The following INSR variants were observed in gnomAD, a reference collection of about 807,000 sequenced individuals.
INSR encodes the protein insulin receptor, also known as IR.
A neutral mutation model predicts 142.6 loss-of-function variants in INSR; 67 were observed. That is an observed-to-expected ratio of 0.47 (90% CI 0.39 to 0.58). The LOEUF (loss-of-function observed/expected upper bound fraction) is 0.58. INSR is among the 20% of genes least tolerant of loss of function. The pLI, the probability that INSR is intolerant of heterozygous loss-of-function variation, is 0.00. For synonymous variants in INSR, 756 were observed against 743.1 expected, an observed-to-expected ratio of 1.02 and a Z score of -0.28; for missense variants, 1,248 against 1,833.2, an observed-to-expected ratio of 0.68 and a Z score of 5.83.
At chr19:7,219,231 C>A (rs1238499908) in intron 2 of INSR, among the ~76,000 whole-genome samples, 1 of 152,120 alleles carries the variant, frequency 6.6e-6, no homozygotes, top group Non-Finnish European at 1.5e-5. Context: ...TTGCAGGGAC[C>A]AGATATATTA....
intron 2 of INSR, among the ~76,000 whole-genome samples, chr19:7,242,691 C>T (rs542149310): frequency 1.7e-4 from 22 of 132,510 alleles, no homozygotes; most frequent in Non-Finnish European, 3.4e-4. Context: ...GAGCCAAGAT[C>T]GCACCACTGC....
Position 7,125,397 on chromosome 19 carries a change from ACCCTT to A in INSR, c.3139_3143del (p.Lys1047Ter). On this transcript the variant is annotated frameshift_variant, in exon 17 of 22. Coordinates refer to ENST00000302850, the MANE Select transcript of INSR (RefSeq NM_000208.4). LOFTEE classifies it high-confidence loss of function. The surrounding 1 kb of genome is among the most constrained non-coding windows in gnomAD (Gnocchi z 4.9). ...TCACCGCCACGCGGGTCTCTGCCTC[ACCCTT>A]GATGATGTCCCTGGCATTGCCCTCA... is the stretch of plus-strand genomic sequence containing the variant. 1 of 1,613,924 alleles carries A rather than the reference ACCCTT, an allele frequency of 6.2e-7. No individual in the cohort carries two copies. The highest frequency in any genetic ancestry group is 8.5e-7 in the Non-Finnish European group (1 of 1,179,974).
intron 8 of INSR, among the ~76,000 whole-genome samples, chr19:7,165,727 G>A (rs958536979): frequency 7.2e-5 from 11 of 151,904 alleles, no homozygotes; most frequent in African/African-American, 2.7e-4. Flanking sequence ...GCTGGGTATA[G>A]TGGTGCATGC....
At chr19:7,219,510 A>AAGGAAGGAGGGAGGGAGGGG in intron 2 of INSR, among the ~76,000 whole-genome samples, 1 of 125,028 alleles carries the variant, frequency 8.0e-6, no homozygotes. Flanking sequence ...GGAGGGAGGG[A>AAGGAAGGAGGGAGGGAGGGG]ACGAAGGAAA....
rs1452326518 is a variant in INSR, at chr19:7,166,251, C to G, written c.1764G>C (p.Gln588His). The change falls in exon 8 of 22, where the codon CAG becomes CAC. Residue 588 changes from glutamine (Q) to histidine (H), a missense_variant. Gln to His is a conservative substitution (Grantham distance 24). This residue lies in a region of INSR where 1,069 missense variants were observed against 1,654.0 expected (regional missense o/e 0.65). Coordinates refer to ENST00000302850, the MANE Select transcript of INSR (RefSeq NM_000208.4). The surrounding 1 kb of genome is among the most constrained non-coding windows in gnomAD (Gnocchi z 4.1). ...CCAGGGTCTTCACAAAGATGGCATA[C>G]TGGGTCCAGGGCTTGAGACCCCGCA... ...WLMRGLKPWTQYAIFVKTLVT... is the reference protein window; with the variant it reads ...WLMRGLKPWTHYAIFVKTLVT... The G allele has an allele frequency of 1.2e-6, 2 of 1,614,172 alleles. No homozygotes were observed. The highest frequency in any genetic ancestry group is 4.5e-5 in the East Asian group (2 of 44,876).
intron 19 of INSR, 188 bp downstream of exon 19, chr19:7,122,422 AACAG>A (rs1203327849): frequency 1.5e-5 from 9 of 608,560 alleles, no homozygotes; most frequent in East Asian, 3.0e-5. Flanking sequence ...CAGCCTGGGC[AACAG>A]ACAGAGTAAG....
chr19:7,154,034 G>A (rs1973521160), intron 9 of INSR, among the ~76,000 whole-genome samples: 1 of 151,932 alleles, frequency 6.6e-6, no homozygotes, highest in South Asian at 2.1e-4. Flanking sequence ...AGTGGCGCAT[G>A]CCTGTAATCC....
chr19:7,166,933 A>G lies in INSR; in HGVS notation c.1611-529T>C, dbSNP rs1414284593. On this transcript the variant is annotated intron_variant, in intron 7 of 21. Coordinates refer to ENST00000302850, the MANE Select transcript of INSR (RefSeq NM_000208.4). This position sits in a 1 kb window ranked among gnomAD's most constrained non-coding sequence, Gnocchi z 4.1. ...GACTCTGTTTCAAAAACATAAATAA[A>G]TAAATAAATAAATAAATGCTTGGGA... Among the ~76,000 whole-genome samples, 1 of 145,956 alleles carries G rather than the reference A, an allele frequency of 6.9e-6. No homozygotes were observed. Among genetic ancestry groups the G allele is most frequent in the Non-Finnish European group, 1.5e-5 (1 of 66,014 alleles).
chr19:7,119,683 AAC>A lies in INSR; in HGVS notation c.3660-102_3660-101del, dbSNP rs1972431989. The A allele has an allele frequency of 1.7e-5, 22 of 1,317,180 alleles. 1 individual carries two copies. Among genetic ancestry groups the A allele is most frequent in the East Asian group, 2.3e-5 (1 of 42,888 alleles). 81.6% of individuals were successfully genotyped at this position (1,317,180 alleles called of 1,614,324 possible). A position where few individuals can be genotyped will look rare whatever the true frequency, so the allele number is the denominator to read the frequency against. ...ACACGCAAACGCACACACACACGCA[AAC>A]ACACATGCCAACACATACATGCAAA... On this transcript the variant is annotated intron_variant, in intron 20 of 21. Coordinates refer to ENST00000302850, the MANE Select transcript of INSR (RefSeq NM_000208.4). This position sits in a 1 kb window ranked among gnomAD's most constrained non-coding sequence, Gnocchi z 5.2.
At chr19:7,194,808 C>T (rs74638767) in intron 2 of INSR, among the ~76,000 whole-genome samples, 3 of 151,816 alleles carry the variant, frequency 2.0e-5, no homozygotes, top group Non-Finnish European at 4.4e-5. Flanking sequence ...CCGCGCCAGG[C>T]CAGCTTTGCT....
chr19:7,247,189 A>G (rs1227980070), intron 2 of INSR, among the ~76,000 whole-genome samples: 1 of 152,214 alleles, frequency 6.6e-6, no homozygotes, highest in Non-Finnish European at 1.5e-5. Context: ...GTGCTGAGCC[A>G]GGAAGACAAA....
chr19:7,260,017 T>A (rs113077851), intron 2 of INSR, among the ~76,000 whole-genome samples: 1 of 151,766 alleles, frequency 6.6e-6, no homozygotes, highest in Admixed American at 6.6e-5. Context: ...TGTAAAAAAA[T>A]AAAATATCAA....
intron 1 of INSR, among the ~76,000 whole-genome samples, chr19:7,273,504 TTTC>T (rs769547812): frequency 2.7e-5 from 4 of 150,718 alleles, no homozygotes; most frequent in African/African-American, 4.9e-5. Flanking sequence ...CAGCTAATAT[TTTC>T]TTTTTTCTTT....
chr19:7,194,605 T>C (rs1974694262), intron 2 of INSR, among the ~76,000 whole-genome samples: 1 of 141,764 alleles, frequency 7.1e-6, no homozygotes. Context: ...CCCCATGTCC[T>C]GGGTTCAAGC....
chr19:7,262,512 A>C (rs1462882906), intron 2 of INSR, among the ~76,000 whole-genome samples: 7 of 152,230 alleles, frequency 4.6e-5, no homozygotes, highest in African/African-American at 1.4e-4. Flanking sequence ...AAGCCTCAGC[A>C]ACAAGGTTAA....
At chr19:7,176,000 CCAAA>C (rs1974127023) in intron 3 of INSR, among the ~76,000 whole-genome samples, 1 of 152,110 alleles carries the variant, frequency 6.6e-6, no homozygotes, top group Non-Finnish European at 1.5e-5. Context: ...ATATTTTACC[CCAAA>C]GTGATGGGAC....
chr19:7,167,929 C>T (rs1170032699), intron 7 of INSR, 39 bp downstream of exon 7: 3 of 1,612,770 alleles, frequency 1.9e-6, no homozygotes, highest in Admixed American at 1.7e-5. Context: ...AGCCAGCCAG[C>T]CCTCGCCTCC....
At position 7,271,313 on chromosome 19, in the gene INSR, C is replaced by T. The variant is rs1255817813; in HGVS notation, c.101-3417G>A. Among the ~76,000 whole-genome samples, 4 of 151,872 alleles carry T rather than the reference C, an allele frequency of 2.6e-5. No homozygotes were observed. In the South Asian group the frequency reaches 6.2e-4, roughly 24 times the overall value. ...GAGTTCAAGACCAGCCTGGCCAACACGGAGAAACCCCGTCTCTACTAAAAA... is the reference window on the plus strand; with the variant it reads ...GAGTTCAAGACCAGCCTGGCCAACATGGAGAAACCCCGTCTCTACTAAAAA... On this transcript the variant is annotated intron_variant, in intron 1 of 21. Coordinates refer to ENST00000302850, the MANE Select transcript of INSR (RefSeq NM_000208.4).
intron 2 of INSR, among the ~76,000 whole-genome samples, chr19:7,188,361 C>A (rs1344656172): frequency 6.6e-6 from 1 of 151,402 alleles, no homozygotes; most frequent in Non-Finnish European, 1.5e-5. Flanking sequence ...GCCTGGCCAA[C>A]ATGGTAAAAC....
Sources: allele counts gnomAD v4.1 joint callset (sites outside exome capture counted in the v4.1 genomes callset), GRCh38; gene constraint gnomAD v4.1.1; regional missense constraint gnomAD v4.1.1; non-coding constraint Gnocchi (gnomAD v3.1); transcripts MANE v1.5; gene names NCBI Gene and HGNC (gene_info 2026-07-23, HGNC 2026-07-21).